Variants in COMMD1 observed in about 807,000 individuals in gnomAD.
The protein encoded by COMMD1 is COMM domain-containing protein 1.
Under a neutral mutation model 17.2 loss-of-function variants are expected in COMMD1, and 10 were observed. That is an observed-to-expected ratio of 0.58 (90% confidence interval 0.36 to 0.99). COMMD1 has a LOEUF of 0.99. Among genes scored for constraint, COMMD1 ranks in the 50% least tolerant of loss-of-function variants. COMMD1 has a pLI of 0.01. For missense variants in COMMD1, 270 were observed against 231.8 expected (o/e 1.17, Z -1.07); for synonymous variants, 97 against 91.6 (o/e 1.06, Z -0.34).
At chr2:62,010,013 T>G (rs1054494352) in intron 2 of COMMD1, among the ~76,000 whole-genome samples, 3 of 152,176 alleles carry the variant, frequency 2.0e-5, no homozygotes, top group Admixed American at 2.0e-4. Flanking sequence ...TAGAAATTTT[T>G]GGGAATGTTT....
intron 1 of COMMD1, chr2:61,968,974 A>G (rs1357107313): frequency 3.0e-6 from 1 of 337,442 alleles, no homozygotes; most frequent in Non-Finnish European, 5.9e-6. Context: ...TAAAGACAGG[A>G]TCTTGCTGTG....
At chr2:62,043,920 C>G (rs185976978) in intron 2 of COMMD1, among the ~76,000 whole-genome samples, 2 of 152,068 alleles carry the variant, frequency 1.3e-5, no homozygotes, top group Non-Finnish European at 2.9e-5. Context: ...TATAATAGTC[C>G]TGTATCACTC....
intron 1 of COMMD1, among the ~76,000 whole-genome samples, chr2:61,941,689 C>T (rs1357321283): frequency 6.6e-6 from 1 of 152,218 alleles, no homozygotes; most frequent in Non-Finnish European, 1.5e-5. Context: ...ATTTAGATCA[C>T]ATACATTCAT....
At chr2:61,919,860 C>T (rs569956952) in intron 1 of COMMD1, among the ~76,000 whole-genome samples, 7 of 152,226 alleles carry the variant, frequency 4.6e-5, no homozygotes, top group South Asian at 2.1e-4. Flanking sequence ...GGTGCAATGA[C>T]GCATGCCTAT....
At chr2:62,128,217 AC>A (rs1672935215) in intron 2 of COMMD1, among the ~76,000 whole-genome samples, 1 of 151,986 alleles carries the variant, frequency 6.6e-6, no homozygotes, top group Non-Finnish European at 1.5e-5. Context: ...AGTCCCAGCT[AC>A]TTGGGAGGCT....
intron 2 of COMMD1, among the ~76,000 whole-genome samples, chr2:62,130,991 G>A (rs1189893046): frequency 6.6e-6 from 1 of 152,234 alleles, no homozygotes; most frequent in African/African-American, 2.4e-5. Context: ...GGAGTGTTGA[G>A]TGGTTACCAG....
At chr2:62,093,668 T>C (rs1671908145) in intron 2 of COMMD1, among the ~76,000 whole-genome samples, 1 of 152,222 alleles carries the variant, frequency 6.6e-6, no homozygotes, top group East Asian at 1.9e-4. Flanking sequence ...TCAGCTAGAT[T>C]ATTTCATTTT....
intron 2 of COMMD1, among the ~76,000 whole-genome samples, chr2:62,038,556 A>T (rs1017386665): frequency 6.6e-6 from 1 of 150,686 alleles, no homozygotes; most frequent in African/African-American, 2.4e-5. Context: ...TTATTTATTT[A>T]TTTATTTTTG....
rs780584634 is a variant in COMMD1, at chr2:61,974,201, C to T, written c.181-26500C>T. Among the ~76,000 whole-genome samples, 4 of 151,608 alleles carry T rather than the reference C, an allele frequency of 2.6e-5. No homozygotes were observed. The East Asian group carries it at 5.9e-4, about 22-fold the overall frequency. On this transcript the variant is annotated intron_variant, in intron 1 of 2. Coordinates refer to ENST00000311832, the MANE Select transcript of COMMD1 (RefSeq NM_152516.4). Reference sequence around the variant, plus strand: ...CCCAGCTACTCAGGAGTCCAAGGCACGAGAATCGCTTGAACCTGGGAGACA... The same window carrying T: ...CCCAGCTACTCAGGAGTCCAAGGCATGAGAATCGCTTGAACCTGGGAGACA...
At chr2:62,064,408 G>A (rs57299531) in intron 2 of COMMD1, among the ~76,000 whole-genome samples, 11,974 of 152,078 alleles carry the variant, frequency 0.079, 1,096 homozygotes, top group African/African-American at 0.22. Context: ...GCCTGACCTC[G>A]AGGGATCCAC....
Position 61,912,744 on chromosome 2 carries a change from A to AG in COMMD1, c.180+6886_180+6887insG, listed in dbSNP as rs531317873. Among the ~76,000 whole-genome samples the AG allele has an allele frequency of 2.6e-5, 4 of 152,224 alleles. No homozygotes were observed. In the East Asian group the frequency reaches 7.7e-4, roughly 29 times the overall value. ...GCAAGACTCCATCTCAAAAAAAAAA[A>AG]AAAAACAGTTTTATTGTAACATGAC... is the stretch of plus-strand genomic sequence containing the variant. On this transcript the variant is annotated intron_variant, in intron 1 of 2. Transcript: ENST00000311832.
At chr2:62,092,851 C>T (rs183288645) in intron 2 of COMMD1, among the ~76,000 whole-genome samples, 17 of 152,190 alleles carry the variant, frequency 1.1e-4, no homozygotes, top group Non-Finnish European at 2.1e-4. Context: ...TGAAAAGGAG[C>T]GGATCTAAGA....
At chr2:62,069,070 C>G (rs528875065) in intron 2 of COMMD1, among the ~76,000 whole-genome samples, 1 of 152,248 alleles carries the variant, frequency 6.6e-6, no homozygotes, top group African/African-American at 2.4e-5. Context: ...AGAGGATTTA[C>G]GAAAACTTTG....
chr2:62,048,242 GCGCGATCTCGGCTCACTGCAACCTCCGC>G (rs995192328), intron 2 of COMMD1, among the ~76,000 whole-genome samples: 2 of 150,470 alleles, frequency 1.3e-5, no homozygotes, highest in African/African-American at 4.9e-5. Flanking sequence ...GAGTGCAGTG[GCGCGATCTCGGCTCACTGCAACCTCCGC>G]CTCCTGGGTT....
At chr2:61,910,428 G>A (rs1669875593) in intron 1 of COMMD1, among the ~76,000 whole-genome samples, 1 of 152,020 alleles carries the variant, frequency 6.6e-6, no homozygotes, top group Non-Finnish European at 1.5e-5. Context: ...TTGTATTTTA[G>A]TAGAGATGGG....
intron 2 of COMMD1, among the ~76,000 whole-genome samples, chr2:62,003,961 C>A (rs1431358509): frequency 6.6e-6 from 1 of 151,976 alleles, no homozygotes; most frequent in African/African-American, 2.4e-5. Flanking sequence ...AACCCTGTCT[C>A]TACTAAAAAT....
At chr2:62,074,938 G>T (rs1220110448) in intron 2 of COMMD1, among the ~76,000 whole-genome samples, 2 of 142,038 alleles carry the variant, frequency 1.4e-5, no homozygotes, top group African/African-American at 5.3e-5. Flanking sequence ...TGTCCAGGCT[G>T]GAGTGCAATG....
chr2:61,998,247 T>TC (rs70946775), intron 1 of COMMD1, among the ~76,000 whole-genome samples: 1 of 117,380 alleles, frequency 8.5e-6, no homozygotes, highest in African/African-American at 3.2e-5. Flanking sequence ...TTGTGCTTTC[T>TC]TTTTTTTTTT....
intron 2 of COMMD1, among the ~76,000 whole-genome samples, chr2:62,112,793 A>C (rs1558604521): frequency 1.3e-5 from 2 of 152,182 alleles, no homozygotes; most frequent in Non-Finnish European, 2.9e-5. Context: ...CAGACTCTTA[A>C]ATCAATGATT....
Sources: allele counts gnomAD v4.1 joint callset (sites outside exome capture counted in the v4.1 genomes callset), GRCh38; gene constraint gnomAD v4.1.1; transcripts MANE v1.5; gene names NCBI Gene and HGNC (gene_info 2026-07-23, HGNC 2026-07-21).